The following UQCRB variants were observed in gnomAD, a reference collection of about 807,000 sequenced individuals.
UQCRB encodes the protein cytochrome b-c1 complex subunit 7.
A neutral mutation model predicts 19.8 loss-of-function variants in UQCRB; 12 were observed. That is an observed-to-expected ratio of 0.61 (90% CI 0.39 to 0.98). UQCRB has a LOEUF of 0.98. Among genes scored for constraint, UQCRB ranks in the 50% least tolerant of loss-of-function variants. The pLI, the probability that UQCRB is intolerant of heterozygous loss-of-function variation, is 0.00. For synonymous variants in UQCRB, 39 were observed against 42.9 expected, an observed-to-expected ratio of 0.91 and a Z score of 0.35; for missense variants, 142 against 131.8, an observed-to-expected ratio of 1.08 and a Z score of -0.38.
In UQCRB at chr8:96,226,818, C is replaced by T; in HGVS notation, c.*4237G>A. On this transcript the variant is annotated 3_prime_UTR_variant, in exon 4 of 4. Transcript: ENST00000287022. ...GAGATATAATCAGAATCCAGAATGACAATTTAAATAGTTTATCATAAGCCT... is the reference window on the plus strand; with the variant it reads ...GAGATATAATCAGAATCCAGAATGATAATTTAAATAGTTTATCATAAGCCT... 2.3e-6 allele frequency: 1 copy of T among 441,732 alleles called. No homozygotes were observed. Among genetic ancestry groups the T allele is most frequent in the Non-Finnish European group, 4.5e-6 (1 of 222,776 alleles). 27.4% of individuals were successfully genotyped at this position (441,732 alleles called of 1,614,324 possible). A position where few individuals can be genotyped will look rare whatever the true frequency, so the allele number is the denominator to read the frequency against.
rs1435808966 is a variant in UQCRB, at chr8:96,223,304, A to C, written c.*7751T>G. On this transcript the variant is annotated 3_prime_UTR_variant, in exon 4 of 4. Coordinates refer to ENST00000287022, the MANE Select transcript of UQCRB (RefSeq NM_006294.5). ...TGCTGTACACCTTAAATAAAAAAGA[A>C]AAGACAACATAGCAATTTCAAGGAA... Among the ~76,000 whole-genome samples the C allele has an allele frequency of 6.6e-6, 1 of 152,212 alleles. No individual in the cohort carries two copies. The highest frequency in any genetic ancestry group is 1.5e-5 in the Non-Finnish European group (1 of 68,040).
chr8:96,234,622 C>T (rs1809757603), intron 1 of UQCRB: 1 of 688,278 alleles, frequency 1.5e-6, no homozygotes, highest in Non-Finnish European at 2.2e-6. Context: ...ATGTTTCTGG[C>T]AACCTGATGT....
chr8:96,231,781 T>A lies in UQCRB; in HGVS notation c.251A>T (p.Tyr84Phe), dbSNP rs1156555658. The A allele has an allele frequency of 1.2e-6, 2 of 1,614,090 alleles. No individual in the cohort carries two copies. The highest frequency in any genetic ancestry group is 1.7e-5 in the Admixed American group (1 of 60,008). The change falls in exon 3 of 4, where the codon TAT (tyrosine) becomes TTT (phenylalanine). Residue 84 changes from tyrosine to phenylalanine, a missense_variant. By Grantham distance (22) the Tyr-to-Phe change is conservative. This residue lies in a region of UQCRB where 132 missense variants were observed against 107.5 expected (regional missense o/e 1.23). Transcript: ENST00000287022. ...QILPKEQWTK[Y>F]EEENFYLEPY... is the part of the protein sequence containing the mutation. ...TAGATAAAGCTGTGCTACCTCTTCA[T>A]ATTTGGTCCACTGCTCTTTAGGCAA...
Position 96,230,518 on chromosome 8 carries a change from A to G in UQCRB, c.*537T>C. 1 of 453,924 alleles carries G rather than the reference A, an allele frequency of 2.2e-6. No homozygotes were observed. Among genetic ancestry groups the G allele is most frequent in the South Asian group, 1.6e-5 (1 of 64,378 alleles). 28.1% of individuals were successfully genotyped at this position (453,924 alleles called of 1,614,324 possible). ...TATGGGGACAGTATGATTTGTCTTT[A>G]TACTTTTATTTTTCTAACATCTTTT... is the stretch of plus-strand genomic sequence containing the variant. On this transcript the variant is annotated 3_prime_UTR_variant, in exon 4 of 4. Coordinates refer to ENST00000287022, the MANE Select transcript of UQCRB (RefSeq NM_006294.5).
At position 96,226,411 on chromosome 8, in the gene UQCRB, T is replaced by G; in HGVS notation, c.*4644A>C. ...TTTGGTACTGAAATGAAAAAGACTT[T>G]TTAGTCAAAGCCCTTCATTTTCTAG... On this transcript the variant is annotated 3_prime_UTR_variant, in exon 4 of 4. Transcript: ENST00000287022. 1 of 167,322 alleles carries G rather than the reference T, an allele frequency of 6.0e-6. No homozygotes were observed. Among genetic ancestry groups the G allele is most frequent in the Non-Finnish European group, 1.3e-5 (1 of 78,032 alleles). The allele number at this position is 167,322 out of a possible 1,614,324, so 10.4% of individuals were successfully genotyped here.
Position 96,231,052 on chromosome 8 carries a change from T to C in UQCRB, c.*3A>G, listed in dbSNP as rs1809658291. On this transcript the variant is annotated 3_prime_UTR_variant, in exon 4 of 4. Coordinates refer to ENST00000287022, the MANE Select transcript of UQCRB (RefSeq NM_006294.5). ...GCTGCATCCACAGACTTCAACTACA[T>C]GATTACTTCTTTGCCCATTCTTCTC... is the stretch of plus-strand genomic sequence containing the variant. 1 of 1,612,690 alleles carries C rather than the reference T, an allele frequency of 6.2e-7. No homozygotes were observed. Among genetic ancestry groups the C allele is most frequent in the African/African-American group, 1.3e-5 (1 of 74,898 alleles).
Position 96,227,803 on chromosome 8 carries a change from T to TAA in UQCRB, c.*3250_*3251dup. The stretch of plus-strand genomic sequence containing the variant: ...AGTTAATGCTTGAAAAGGGAGTCCT[T>TAA]AAAGTAAATAACTAAATGAAATCAC... On this transcript the variant is annotated 3_prime_UTR_variant, in exon 4 of 4. Transcript: ENST00000287022. 1 of 453,634 alleles carries TAA rather than the reference T, an allele frequency of 2.2e-6. No individual in the cohort carries two copies. 28.1% of individuals were successfully genotyped at this position (453,634 alleles called of 1,614,324 possible).
At chr8:96,234,538 T>A (rs780911590) in intron 1 of UQCRB, 3 of 1,281,898 alleles carry the variant, frequency 2.3e-6, no homozygotes, top group Non-Finnish European at 3.1e-6. Context: ...CTTCAATATC[T>A]GCCAAATTAA....
Position 96,226,379 on chromosome 8 carries a change from A to G in UQCRB, c.*4676T>C, listed in dbSNP as rs994953523. The G allele has an allele frequency of 6.6e-5, 11 of 166,104 alleles. No individual in the cohort carries two copies. The highest frequency in any genetic ancestry group is 1.3e-4 in the Non-Finnish European group (10 of 77,496). 10.3% of individuals were successfully genotyped at this position (166,104 alleles called of 1,614,324 possible). A position where few individuals can be genotyped will look rare whatever the true frequency, so the allele number is the denominator to read the frequency against. On this transcript the variant is annotated 3_prime_UTR_variant, in exon 4 of 4. Transcript: ENST00000287022. ...AGAGCGTAAGTTAAATCACAGACCC[A>G]GAATGTTTTGGTACTGAAATGAAAA...
At chr8:96,231,185 A>G in intron 3 of UQCRB, 53 bp from the exon 4 acceptor site, 1 of 1,612,088 alleles carries the variant, frequency 6.2e-7, no homozygotes, top group Non-Finnish European at 8.5e-7. Flanking sequence ...ATATATCCCA[A>G]ACACTCAACA....
rs1809597366 is a variant in UQCRB at position 96,229,130 on chromosome 8, G to A, written c.*1925C>T. The A allele has an allele frequency of 2.2e-6, 1 of 453,934 alleles. No individual in the cohort carries two copies. Among genetic ancestry groups the A allele is most frequent in the Non-Finnish European group, 4.4e-6 (1 of 226,778 alleles). The allele number at this position is 453,934 out of a possible 1,614,324, so 28.1% of individuals were successfully genotyped here. The stretch of plus-strand genomic sequence containing the variant: ...GTGTTCAAAGAACTTTTGCACACTT[G>A]TTCTCATTTAGAAGAATGAAGTAAT... On this transcript the variant is annotated 3_prime_UTR_variant, in exon 4 of 4. Coordinates refer to ENST00000287022, the MANE Select transcript of UQCRB (RefSeq NM_006294.5).
At chr8:96,231,200 T>G in intron 3 of UQCRB, 68 bp from the exon 4 acceptor site, 1 of 1,613,642 alleles carries the variant, frequency 6.2e-7, no homozygotes. Flanking sequence ...TCAACAGGTC[T>G]TCAATAACAA....
Position 96,230,606 on chromosome 8 carries a change from G to A in UQCRB, c.*449C>T, listed in dbSNP as rs756471157. 2 of 455,340 alleles carry A rather than the reference G, an allele frequency of 4.4e-6. No homozygotes were observed. Among genetic ancestry groups the A allele is most frequent in the South Asian group, 3.1e-5 (2 of 64,488 alleles). 28.2% of individuals were successfully genotyped at this position (455,340 alleles called of 1,614,324 possible). ...ATTACTTAAGTATGCCTATGTTGGGGTGCAGACATAATTTCTTTTTAAATG... is the reference window on the plus strand; with the variant it reads ...ATTACTTAAGTATGCCTATGTTGGGATGCAGACATAATTTCTTTTTAAATG... On this transcript the variant is annotated 3_prime_UTR_variant, in exon 4 of 4. Coordinates refer to ENST00000287022, the MANE Select transcript of UQCRB (RefSeq NM_006294.5).
At position 96,226,716 on chromosome 8, in the gene UQCRB, C is replaced by T. The variant is rs1414415460; in HGVS notation, c.*4339G>A. The T allele has an allele frequency of 1.7e-5, 6 of 355,782 alleles. No homozygotes were observed. Among genetic ancestry groups the T allele is most frequent in the African/African-American group, 4.3e-5 (2 of 46,466 alleles). 22.0% of individuals were successfully genotyped at this position (355,782 alleles called of 1,614,324 possible). ...TTTTCAGGGGTTTATTTTAAAATTA[C>T]ATTTTTACATTTATGCAAAAATAGG... On this transcript the variant is annotated 3_prime_UTR_variant, in exon 4 of 4. Transcript: ENST00000287022.
Position 96,223,083 on chromosome 8 carries a change from T to A in UQCRB, c.*7972A>T, listed in dbSNP as rs1420572386. On this transcript the variant is annotated 3_prime_UTR_variant, in exon 4 of 4. Transcript: ENST00000287022. ...CAAAGGATACACAAACTTGCAATTA[T>A]ACAAGATGAACAGGTCTAGAGATTT... is the stretch of plus-strand genomic sequence containing the variant. Among the ~76,000 whole-genome samples the A allele has an allele frequency of 1.3e-5, 2 of 151,990 alleles. No homozygotes were observed. The highest frequency in any genetic ancestry group is 4.8e-5 in the African/African-American group (2 of 41,362).
intron 1 of UQCRB, 131 bp downstream of exon 1, chr8:96,235,381 A>T: frequency 1.5e-6 from 2 of 1,323,946 alleles, no homozygotes; most frequent in African/African-American, 1.4e-5. Flanking sequence ...TTTTCACTGG[A>T]CTGAAGCAGC....
At position 96,225,654 on chromosome 8, in the gene UQCRB, T is replaced by C. The variant is rs1809513228; in HGVS notation, c.*5401A>G. On this transcript the variant is annotated 3_prime_UTR_variant, in exon 4 of 4. Transcript: ENST00000287022. Reference sequence around the variant, plus strand: ...GCATTTCCTGCTCATTTTCTTCTGCTTGGAAAGCCCTTCACCATCTTCTTG... The same window carrying C: ...GCATTTCCTGCTCATTTTCTTCTGCCTGGAAAGCCCTTCACCATCTTCTTG... 6.6e-6 allele frequency among the ~76,000 whole-genome samples: 1 copy of C among 151,894 alleles called. No individual in the cohort carries two copies. Among genetic ancestry groups the C allele is most frequent in the Non-Finnish European group, 1.5e-5 (1 of 68,008 alleles).
At chr8:96,235,180 T>C (rs1454170241) in intron 1 of UQCRB, 2 of 495,676 alleles carry the variant, frequency 4.0e-6, no homozygotes, top group African/African-American at 1.9e-5. Context: ...GGGTTGAAAG[T>C]CATCCACTAG....
In UQCRB at chr8:96,233,185, T is replaced by C; in HGVS notation, c.62A>G (p.Tyr21Cys). The C allele has an allele frequency of 6.2e-7, 1 of 1,613,600 alleles. No individual in the cohort carries two copies. The highest frequency in any genetic ancestry group is 8.5e-7 in the Non-Finnish European group (1 of 1,179,946). The change falls in exon 2 of 4, where the codon TAT becomes TGT. Residue 21 changes from tyrosine to cysteine, a missense_variant. This residue lies in a region of UQCRB where 132 missense variants were observed against 107.5 expected (regional missense o/e 1.23). Transcript: ENST00000287022. Reference sequence around the variant, plus strand: ...TTTATTGAATCCTGCAGCATTGTAATACCATTTTCGAATACCATCCAGCCA... The same window carrying C: ...TTTATTGAATCCTGCAGCATTGTAACACCATTTTCGAATACCATCCAGCCA... ...GKWLDGIRKWYYNAAGFNKLG... is the reference protein window; with the variant it reads ...GKWLDGIRKWCYNAAGFNKLG...
Sources: gnomAD v4.1 joint callset for allele counts (sites outside exome capture counted in the v4.1 genomes callset) on GRCh38, gnomAD v4.1.1 for gene constraint, gnomAD v4.1.1 regional missense constraint, MANE v1.5 for transcripts, NCBI Gene and HGNC (gene_info 2026-07-23, HGNC 2026-07-21) for gene names.